Variants in GLCCI1 observed in about 807,000 individuals in gnomAD.
GLCCI1 encodes glucocorticoid-induced transcript 1 protein.
In GLCCI1, 24 loss-of-function variants were observed where a neutral mutation model predicts 52.2. The observed-to-expected ratio is 0.46, with a 90% CI of 0.33 to 0.65. The LOEUF is 0.65. Among genes scored for constraint, GLCCI1 ranks in the 30% least tolerant of loss-of-function variants. The pLI is 0.02. For synonymous variants in GLCCI1, 310 were observed against 276.5 expected, an observed-to-expected ratio of 1.12 and a Z score of -1.20; for missense variants, 704 against 701.5, an observed-to-expected ratio of 1.00 and a Z score of -0.04.
intron 3 of GLCCI1, among the ~76,000 whole-genome samples, chr7:8,035,467 G>A (rs35044198): frequency 0.023 from 3,525 of 152,204 alleles, 70 homozygotes; most frequent in East Asian, 0.089. Flanking sequence ...GCCATTCTAG[G>A]GCAATTAGGT....
chr7:8,015,947 A>G (rs1303177929), intron 2 of GLCCI1, among the ~76,000 whole-genome samples: 1 of 152,202 alleles, frequency 6.6e-6, no homozygotes, highest in Non-Finnish European at 1.5e-5. Flanking sequence ...TTGCTTTCTC[A>G]TGCCTTTGCC....
At chr7:8,060,417 C>T (rs1235274222) in intron 5 of GLCCI1, among the ~76,000 whole-genome samples, 169 bp downstream of exon 5, 2 of 152,184 alleles carry the variant, frequency 1.3e-5, no homozygotes, top group Non-Finnish European at 2.9e-5. Context: ...ATACAACTGT[C>T]ACCACAATCA....
intron 2 of GLCCI1, among the ~76,000 whole-genome samples, chr7:8,009,457 G>A (rs1781217985): frequency 6.6e-6 from 1 of 152,140 alleles, no homozygotes; most frequent in African/African-American, 2.4e-5. Context: ...CAACTTCCCA[G>A]GTATAGTAAT....
At chr7:8,020,351 A>G (rs1781458654) in intron 2 of GLCCI1, among the ~76,000 whole-genome samples, 1 of 152,216 alleles carries the variant, frequency 6.6e-6, no homozygotes, top group African/African-American at 2.4e-5. Flanking sequence ...TATGCAGCAC[A>G]TAACTATACA....
chr7:8,011,758 A>C (rs938216377), intron 2 of GLCCI1, among the ~76,000 whole-genome samples: 1 of 152,060 alleles, frequency 6.6e-6, no homozygotes. Context: ...TTATACTCAC[A>C]TTAGCAACGC....
chr7:8,010,468 T>C (rs1781242062), intron 2 of GLCCI1, among the ~76,000 whole-genome samples: 1 of 152,180 alleles, frequency 6.6e-6, no homozygotes, highest in South Asian at 2.1e-4. Context: ...TGTCATAATA[T>C]CTTATAAAAT....
At chr7:8,041,032 C>G (rs1197959746) in intron 3 of GLCCI1, among the ~76,000 whole-genome samples, 5 of 152,082 alleles carry the variant, frequency 3.3e-5, no homozygotes, top group African/African-American at 1.2e-4. Flanking sequence ...AAGTAAAAAG[C>G]CAGTACAGAC....
chr7:8,088,070 T>G lies in GLCCI1; in HGVS notation c.*1532T>G, dbSNP rs369578158. On this transcript the variant is annotated 3_prime_UTR_variant, in exon 8 of 8. Coordinates refer to ENST00000223145, the MANE Select transcript of GLCCI1 (RefSeq NM_138426.4). ...CCTAAAGTGTATGGCACAATTTTCT[T>G]AAGAATTAGGGGAACCAGGTGCCTA... 3 of 152,208 alleles carry G rather than the reference T, an allele frequency of 2.0e-5. No individual in the cohort carries two copies. Among genetic ancestry groups the G allele is most frequent in the Non-Finnish European group, 4.4e-5 (3 of 68,034 alleles). The allele number at this position is 152,208 out of a possible 1,614,324, so 9.4% of individuals were successfully genotyped here. A position where few individuals can be genotyped will look rare whatever the true frequency, so the allele number is the denominator to read the frequency against.
At position 8,070,952 on chromosome 7, in the gene GLCCI1, C is replaced by T. The variant is rs1202587719; in HGVS notation, c.998C>T (p.Pro333Leu). ...PLDIPDGRRA[P>L]LPAHYRSSST... ...GACATACCAGATGGTCGAAGAGCTC[C>T]ACTTCCTGCTCATTACCGGAGCAGT... The change falls in exon 6 of 8, where the codon CCA becomes CTA. Residue 333 changes from proline (P) to leucine (L), a missense_variant. Physicochemically the swap from Pro to Leu is moderately conservative, Grantham distance 98. Coordinates refer to ENST00000223145, the MANE Select transcript of GLCCI1 (RefSeq NM_138426.4). The T allele has an allele frequency of 2.5e-6, 4 of 1,614,146 alleles. No individual in the cohort carries two copies. The highest frequency in any genetic ancestry group is 3.4e-6 in the Non-Finnish European group (4 of 1,180,014).
intron 1 of GLCCI1, chr7:7,982,008 GT>G: frequency 2.3e-6 from 1 of 426,770 alleles, no homozygotes; most frequent in Non-Finnish European, 4.7e-6. Flanking sequence ...TTGGAGTTTG[GT>G]CACTACGAAG....
intron 3 of GLCCI1, among the ~76,000 whole-genome samples, chr7:8,046,080 C>T (rs537286507): frequency 6.6e-6 from 1 of 151,728 alleles, no homozygotes; most frequent in Non-Finnish European, 1.5e-5. Context: ...AATCTTGTAA[C>T]AAAATTTGAT....
chr7:7,970,376 TCCCTCTCC>T (rs1487096548), intron 1 of GLCCI1: 1 of 151,198 alleles, frequency 6.6e-6, no homozygotes. Flanking sequence ...CCTCCCTCTC[TCCCTCTCC>T]CCCAGCCCCC....
intron 1 of GLCCI1, among the ~76,000 whole-genome samples, chr7:7,972,393 AAGT>A (rs1414299585): frequency 6.6e-6 from 1 of 152,136 alleles, no homozygotes; most frequent in Non-Finnish European, 1.5e-5. Flanking sequence ...TGAAAGCATT[AAGT>A]AGTTGATGGC....
chr7:8,078,502 A>G (rs186135664), intron 6 of GLCCI1: 3 of 152,356 alleles, frequency 2.0e-5, no homozygotes, highest in East Asian at 1.9e-4. Flanking sequence ...TGATATATGT[A>G]TATAATTCAT....
chr7:8,017,862 A>G (rs796538633), intron 2 of GLCCI1, among the ~76,000 whole-genome samples: 10 of 152,268 alleles, frequency 6.6e-5, no homozygotes, highest in African/African-American at 2.2e-4. Context: ...CTAGAACCAC[A>G]ATCTTTTGTG....
intron 1 of GLCCI1, among the ~76,000 whole-genome samples, chr7:7,987,858 G>C (rs1054122043): frequency 4.6e-5 from 7 of 152,198 alleles, no homozygotes; most frequent in Admixed American, 6.5e-5. Context: ...AAAAGAGCTG[G>C]GGTTGCAGGA....
At position 7,969,582 on chromosome 7, in the gene GLCCI1, C is replaced by A. The variant is rs1262837332; in HGVS notation, c.232C>A (p.His78Asn). Residue 78 changes from histidine (H) to asparagine (N), a missense_variant, in exon 1 of 8, where the codon CAC becomes AAC. Transcript: ENST00000223145. The surrounding 1 kb of genome is among the most constrained non-coding windows in gnomAD (Gnocchi z 4.9). ...VPYQLLRGSQ[H>N]SPTRPPVAAA... The stretch of plus-strand genomic sequence containing the variant: ...CTACCAGCTCTTGCGGGGCAGCCAG[C>A]ACAGTCCCACGCGTCCGCCCGTCGC... 9.7e-7 allele frequency: 1 copy of A among 1,036,134 alleles called. No individual in the cohort carries two copies. The highest frequency in any genetic ancestry group is 1.2e-6 in the Non-Finnish European group (1 of 863,632). The allele number at this position is 1,036,134 out of a possible 1,614,324, so 64.2% of individuals were successfully genotyped here.
intron 2 of GLCCI1, among the ~76,000 whole-genome samples, chr7:8,012,106 T>C (rs258850): frequency 0.62 from 93,857 of 151,922 alleles, 29,577 homozygotes; most frequent in African/African-American, 0.75. Flanking sequence ...TGAGTCACCG[T>C]GCCCAGCCAG....
In GLCCI1 at chr7:8,046,653, GT is replaced by G. The variant is rs1305654332; in HGVS notation, c.697-8778del. Reference sequence around the variant, plus strand: ...TATAACCCAGAAGCCCCTGTCTCGAGTTGTCCTGCCTTTCTGGACTGAACCA... The same window carrying G: ...TATAACCCAGAAGCCCCTGTCTCGAGTGTCCTGCCTTTCTGGACTGAACCA... On this transcript the variant is annotated intron_variant, in intron 3 of 7. Coordinates refer to ENST00000223145, the MANE Select transcript of GLCCI1 (RefSeq NM_138426.4). 2.0e-5 allele frequency among the ~76,000 whole-genome samples: 3 copies of G among 152,140 alleles called. No individual in the cohort carries two copies. In the East Asian group the frequency reaches 5.8e-4, roughly 29 times the overall value.
Sources: gnomAD v4.1 joint callset for allele counts (sites outside exome capture counted in the v4.1 genomes callset) on GRCh38, gnomAD v4.1.1 for gene constraint, Gnocchi (gnomAD v3.1) non-coding constraint, MANE v1.5 for transcripts, NCBI Gene and HGNC (gene_info 2026-07-23, HGNC 2026-07-21) for gene names.